The following MAPRE2 variants were observed in gnomAD, a reference collection of about 807,000 sequenced individuals.
MAPRE2 encodes microtubule-associated protein RP/EB family member 2.
In MAPRE2, 13 loss-of-function variants were observed where a neutral mutation model predicts 43.2. That is an observed-to-expected ratio of 0.30 (90% confidence interval 0.20 to 0.48). The LOEUF is 0.48. Ranked by LOEUF, MAPRE2 falls within the 20% of genes least tolerant of loss-of-function variation. The probability of loss-of-function intolerance (pLI) is 0.99; values close to 1 mark genes in which losing one functional copy is unlikely to be tolerated. For missense variants in MAPRE2, 161 were observed against 400.2 expected (o/e 0.40, Z 5.10); for synonymous variants, 135 against 148.8 (o/e 0.91, Z 0.68).
chr18:35,075,826 T>C (rs947069995), intron 2 of MAPRE2, among the ~76,000 whole-genome samples: 5 of 152,150 alleles, frequency 3.3e-5, no homozygotes, highest in African/African-American at 1.2e-4. Flanking sequence ...CAGTAATATA[T>C]GGTAATATAC....
intron 2 of MAPRE2, among the ~76,000 whole-genome samples, chr18:35,025,660 T>C (rs1216088758): frequency 6.6e-6 from 1 of 152,192 alleles, no homozygotes; most frequent in Admixed American, 6.5e-5. Context: ...TAAATTGCCG[T>C]CCTCTCTGTA....
At chr18:35,100,002 G>A (rs1908600246) in intron 3 of MAPRE2, among the ~76,000 whole-genome samples, 1 of 152,124 alleles carries the variant, frequency 6.6e-6, no homozygotes, top group Admixed American at 6.5e-5. Context: ...CTCCCACAGT[G>A]GCAAAGCCTT....
chr18:35,120,960 C>G (rs1291304028), intron 4 of MAPRE2, among the ~76,000 whole-genome samples: 1 of 152,148 alleles, frequency 6.6e-6, no homozygotes, highest in Non-Finnish European at 1.5e-5. Flanking sequence ...TGACCATGAC[C>G]AGAAGAGTGG....
chr18:35,010,906 T>C lies in MAPRE2; in HGVS notation c.-8+5353T>C, dbSNP rs998035508. Among the ~76,000 whole-genome samples the C allele has an allele frequency of 3.3e-5, 5 of 152,318 alleles. No homozygotes were observed. The East Asian group carries it at 9.7e-4, about 29-fold the overall frequency. Reference sequence around the variant, plus strand: ...GCTAAATGTTAACAATTGCTGAATATAGCTGGTGGGTATGAATGTCTGTTA... The same window carrying C: ...GCTAAATGTTAACAATTGCTGAATACAGCTGGTGGGTATGAATGTCTGTTA... On this transcript the variant is annotated intron_variant, in intron 2 of 7. Transcript: ENST00000413393.
At chr18:34,985,282 ATT>A (rs1568961436) in intron 1 of MAPRE2, among the ~76,000 whole-genome samples, 2 of 27,098 alleles carry the variant, frequency 7.4e-5, no homozygotes, top group African/African-American at 1.3e-4. Flanking sequence ...AATATAATAT[ATT>A]ATATATTATA....
At chr18:34,999,411 T>A (rs1406180504) in intron 1 of MAPRE2, among the ~76,000 whole-genome samples, 10 of 152,232 alleles carry the variant, frequency 6.6e-5, no homozygotes, top group Non-Finnish European at 1.0e-4. Flanking sequence ...AAGGGCAATC[T>A]TAAAAAATAT....
At chr18:35,003,709 A>G (rs2097030477) in intron 1 of MAPRE2, among the ~76,000 whole-genome samples, 1 of 152,194 alleles carries the variant, frequency 6.6e-6, no homozygotes, top group African/African-American at 2.4e-5. Context: ...TTGCACAGCT[A>G]CTGGGTACTA....
intron 1 of MAPRE2, among the ~76,000 whole-genome samples, chr18:35,052,061 CT>C (rs1430859196): frequency 6.6e-6 from 1 of 152,154 alleles, no homozygotes; most frequent in Non-Finnish European, 1.5e-5. Context: ...ATACTACAGT[CT>C]TTTTTCCCCC....
chr18:35,041,274 G>A (rs779668897), upstream of MAPRE2: 145 of 1,351,562 alleles, frequency 1.1e-4, no homozygotes, highest in Non-Finnish European at 1.4e-4. Flanking sequence ...GCGACCCTGT[G>A]CGAATTGAGG....
chr18:35,062,369 T>C (rs1209950059), intron 1 of MAPRE2, among the ~76,000 whole-genome samples: 1 of 152,232 alleles, frequency 6.6e-6, no homozygotes, highest in African/African-American at 2.4e-5. Context: ...ATAAATCTCT[T>C]TTTAAATTCT....
chr18:35,129,064 G>A (rs1342294655), intron 5 of MAPRE2, among the ~76,000 whole-genome samples: 4 of 152,150 alleles, frequency 2.6e-5, no homozygotes, highest in African/African-American at 7.2e-5. Flanking sequence ...GGCCAGTGCC[G>A]CCTTCCTGTT....
intron 4 of MAPRE2, among the ~76,000 whole-genome samples, chr18:35,107,081 A>G (rs893873384): frequency 3.9e-5 from 6 of 152,202 alleles, no homozygotes; most frequent in Non-Finnish European, 8.8e-5. Context: ...TCATGTATTT[A>G]AATCAAACGC....
At chr18:35,119,238 A>G (rs1909562298) in intron 4 of MAPRE2, among the ~76,000 whole-genome samples, 1 of 151,978 alleles carries the variant, frequency 6.6e-6, no homozygotes, top group Non-Finnish European at 1.5e-5. Flanking sequence ...TGGCCCATGA[A>G]AGTACCATGG....
rs1603389535 is a variant in MAPRE2 at position 35,008,970 on chromosome 18, A to G, written c.-8+3417A>G. ...TTGGGGTGTGTGTGTGTGTGCATGC[A>G]CGTGTGTGTGTGTACATATATATAT... On this transcript the variant is annotated intron_variant, in intron 2 of 7. Coordinates refer to the MAPRE2 transcript ENST00000413393. 4.4e-5 allele frequency among the ~76,000 whole-genome samples: 6 copies of G among 137,860 alleles called. No individual in the cohort carries two copies. The East Asian group carries it at 1.5e-3, about 33-fold the overall frequency. 90.4% of individuals were successfully genotyped at this position (137,860 alleles called of 152,430 possible). A position where few individuals can be genotyped will look rare whatever the true frequency, so the allele number is the denominator to read the frequency against.
At chr18:35,070,484 T>C (rs1387510897) in intron 2 of MAPRE2, 162 bp downstream of exon 2, 2 of 519,142 alleles carry the variant, frequency 3.9e-6, no homozygotes, top group Admixed American at 4.2e-5. Context: ...AAAGGACGTA[T>C]TGGGAAAAGT....
intron 2 of MAPRE2, among the ~76,000 whole-genome samples, chr18:35,088,750 G>A (rs1337830752): frequency 6.6e-6 from 1 of 152,140 alleles, no homozygotes; most frequent in Non-Finnish European, 1.5e-5. Context: ...AGAAAATATA[G>A]AATTTCAAGA....
chr18:35,007,686 G>A (rs28504360), intron 2 of MAPRE2, among the ~76,000 whole-genome samples: 62 of 152,232 alleles, frequency 4.1e-4, no homozygotes, highest in African/African-American at 1.5e-3. Flanking sequence ...ACCAAAGAGA[G>A]AACCATCATT....
At chr18:35,067,640 C>G (rs933264239) in intron 1 of MAPRE2, among the ~76,000 whole-genome samples, 7 of 152,032 alleles carry the variant, frequency 4.6e-5, no homozygotes, top group African/African-American at 1.5e-4. Flanking sequence ...AACCCTGGGC[C>G]TCGACACCAC....
intron 1 of MAPRE2, among the ~76,000 whole-genome samples, chr18:35,062,313 A>G (rs1906573218): frequency 6.6e-6 from 1 of 152,238 alleles, no homozygotes; most frequent in South Asian, 2.1e-4. Context: ...TTTGCAGGTT[A>G]TTTTAGAAAG....
Sources: gnomAD v4.1 joint callset for allele counts (sites outside exome capture counted in the v4.1 genomes callset) on GRCh38, gnomAD v4.1.1 for gene constraint, MANE v1.5 for transcripts, NCBI Gene and HGNC (gene_info 2026-07-23, HGNC 2026-07-21) for gene names.